The following GRM1 variants were observed in gnomAD, a reference collection of about 807,000 sequenced individuals.
GRM1 encodes glutamate metabotropic receptor 1.
GRM1 carries 33 observed loss-of-function variants against 90.9 expected under a neutral mutation model. That is an observed-to-expected ratio of 0.36 (90% CI 0.28 to 0.49). The LOEUF (loss-of-function observed/expected upper bound fraction) is 0.49, where lower values mean the gene tolerates loss of function less well. GRM1 is among the 20% of genes least tolerant of loss of function. GRM1 has a pLI of 0.99. For missense variants in GRM1, 1,190 were observed against 1,534.3 expected, an observed-to-expected ratio of 0.78 and a Z score of 3.75; for synonymous variants, 700 against 613.2, an observed-to-expected ratio of 1.14 and a Z score of -2.09.
chr6:146,377,776 A>G (rs1021775096), intron 5 of GRM1, among the ~76,000 whole-genome samples: 2 of 152,114 alleles, frequency 1.3e-5, no homozygotes, highest in African/African-American at 2.4e-5. Flanking sequence ...GAGGAAAAAA[A>G]GGCTTCCTGG....
In GRM1 at chr6:146,029,457, G is replaced by A; in HGVS notation, c.-61G>A. The stretch of plus-strand genomic sequence containing the variant: ...GGCGTCTTGGGGGTGCGCGCCGGGA[G>A]CCTGCAGCGGGACCAGCGTGGGAAC... On this transcript the variant is annotated 5_prime_UTR_variant, in exon 1 of 8. Transcript: ENST00000282753. 2.2e-6 allele frequency: 3 copies of A among 1,342,372 alleles called. No individual in the cohort carries two copies. Among genetic ancestry groups the A allele is most frequent in the Non-Finnish European group, 3.2e-6 (3 of 932,854 alleles). 83.2% of individuals were successfully genotyped at this position (1,342,372 alleles called of 1,614,324 possible).
At chr6:146,080,821 G>C (rs976766490) in intron 1 of GRM1, among the ~76,000 whole-genome samples, 2 of 152,260 alleles carry the variant, frequency 1.3e-5, no homozygotes, top group African/African-American at 4.8e-5. Flanking sequence ...ACAAGGCTTA[G>C]ATAATTTCAT....
At position 146,116,026 on chromosome 6, in the gene GRM1, A is replaced by G. The variant is rs141531010; in HGVS notation, c.701-43322A>G. ...AGTGCAATGGCGCAATCTTGGCTCA[A>G]TGCAACCTCTGCCTCCTGGGCTCAA... On this transcript the variant is annotated intron_variant, in intron 1 of 7. Transcript: ENST00000282753. 3.3e-3 allele frequency among the ~76,000 whole-genome samples: 499 copies of G among 152,204 alleles called. 2 individuals carry two copies. Among genetic ancestry groups the G allele is most frequent in the African/African-American group, 0.012 (480 of 41,542 alleles).
At chr6:146,171,709 A>G in intron 2 of GRM1, 2 of 295,642 alleles carry the variant, frequency 6.8e-6, no homozygotes, top group Non-Finnish European at 1.4e-5. Flanking sequence ...AAGCAAAAGA[A>G]CAGCTGAAGA....
intron 2 of GRM1, among the ~76,000 whole-genome samples, chr6:146,167,644 T>C (rs1052307250): frequency 5.3e-5 from 8 of 152,160 alleles, no homozygotes; most frequent in African/African-American, 1.9e-4. Flanking sequence ...TGACTAATAA[T>C]GTTGAGCATT....
At chr6:146,331,994 A>G (rs1341337924) in intron 3 of GRM1, among the ~76,000 whole-genome samples, 2 of 152,140 alleles carry the variant, frequency 1.3e-5, no homozygotes, top group East Asian at 1.9e-4. Flanking sequence ...TCCAGTTATC[A>G]TTTGAGGGAT....
At chr6:146,398,655 A>G in intron 6 of GRM1, 114 bp from the exon 7 acceptor site, 1 of 811,554 alleles carries the variant, frequency 1.2e-6, no homozygotes, top group Non-Finnish European at 2.2e-6. Flanking sequence ...AAAGCATTAA[A>G]TGCTGTAAAT....
At chr6:146,294,393 T>C (rs1267191656) in intron 2 of GRM1, among the ~76,000 whole-genome samples, 1 of 151,986 alleles carries the variant, frequency 6.6e-6, no homozygotes, top group African/African-American at 2.4e-5. Context: ...GATGTGTTGG[T>C]TTTTTTAAAA....
intron 3 of GRM1, among the ~76,000 whole-genome samples, chr6:146,325,012 A>G (rs1217056711): frequency 6.6e-6 from 1 of 152,238 alleles, no homozygotes. Flanking sequence ...TAAATTAATT[A>G]TAGGTACTTT....
chr6:146,133,556 C>T (rs1011759133), intron 1 of GRM1, among the ~76,000 whole-genome samples: 3 of 152,106 alleles, frequency 2.0e-5, no homozygotes, highest in Non-Finnish European at 4.4e-5. Flanking sequence ...TGAAAACTAC[C>T]TGTCTTCCTT....
intron 1 of GRM1, among the ~76,000 whole-genome samples, chr6:146,056,954 A>T (rs2128851784): frequency 6.6e-6 from 1 of 152,260 alleles, no homozygotes; most frequent in Admixed American, 6.5e-5. Flanking sequence ...CTGTGAACAG[A>T]TGCAGTTCTT....
At chr6:146,341,031 CAT>C (rs1219164979) in intron 3 of GRM1, among the ~76,000 whole-genome samples, 2 of 152,192 alleles carry the variant, frequency 1.3e-5, no homozygotes, top group African/African-American at 4.8e-5. Context: ...CATGCACACA[CAT>C]GGTGAGAGAG....
intron 5 of GRM1, among the ~76,000 whole-genome samples, chr6:146,381,970 C>A (rs981096073): frequency 1.3e-5 from 2 of 152,138 alleles, no homozygotes; most frequent in Non-Finnish European, 2.9e-5. Flanking sequence ...TTTTAAGACA[C>A]TCACAGTGTA....
chr6:146,343,536 A>C (rs1785055810), intron 3 of GRM1, among the ~76,000 whole-genome samples: 1 of 152,022 alleles, frequency 6.6e-6, no homozygotes, highest in African/African-American at 2.4e-5. Context: ...ATTATAATCC[A>C]CTATCATCCT....
intron 5 of GRM1, among the ~76,000 whole-genome samples, chr6:146,378,616 T>A (rs963120135): frequency 6.6e-6 from 1 of 152,230 alleles, no homozygotes; most frequent in African/African-American, 2.4e-5. Context: ...CCTCATTGTA[T>A]CTAGCATTGT....
intron 2 of GRM1, among the ~76,000 whole-genome samples, chr6:146,208,327 T>A (rs987037): frequency 0.22 from 33,489 of 152,134 alleles, 7,595 homozygotes; most frequent in African/African-American, 0.58. Context: ...GAACAGGTGA[T>A]GTTTCTATTG....
intron 2 of GRM1, among the ~76,000 whole-genome samples, chr6:146,254,666 A>G (rs996449338): frequency 2.6e-5 from 4 of 151,952 alleles, no homozygotes; most frequent in Admixed American, 2.6e-4. Flanking sequence ...ATTTTATTCT[A>G]TTTCACTTTT....
chr6:146,322,230 C>T (rs1282216785), intron 3 of GRM1, among the ~76,000 whole-genome samples: 1 of 152,226 alleles, frequency 6.6e-6, no homozygotes, highest in Admixed American at 6.5e-5. Flanking sequence ...CCAGCAGAGG[C>T]TGCAGAACAG....
At position 146,434,111 on chromosome 6, in the gene GRM1, G is replaced by C. The variant is rs1186088869; in HGVS notation, c.2900G>C (p.Arg967Pro). ...GAGGAGGAGGATGCCCAGCCGATTC[G>C]CTTTAGCCCGCCTGGTAGCCCTTCC... ...VEEEEDAQPI[R>P]FSPPGSPSMV... The change falls in exon 8 of 8, where the codon CGC becomes CCC. Residue 967 changes from arginine (R) to proline (P), a missense_variant. This residue lies in a region of GRM1 where 400 missense variants were observed against 360.8 expected (regional missense o/e 1.11). Coordinates refer to ENST00000282753, the MANE Select transcript of GRM1 (RefSeq NM_001278064.2). The C allele has an allele frequency of 2.5e-6, 4 of 1,614,028 alleles. No individual in the cohort carries two copies. The highest frequency in any genetic ancestry group is 1.3e-5 in the African/African-American group (1 of 74,920).
Sources: allele counts gnomAD v4.1 joint callset (sites outside exome capture counted in the v4.1 genomes callset), GRCh38; gene constraint gnomAD v4.1.1; regional missense constraint gnomAD v4.1.1; transcripts MANE v1.5; gene names NCBI Gene and HGNC (gene_info 2026-07-23, HGNC 2026-07-21).